Variants in LEKR1 observed in about 807,000 individuals in gnomAD.
The protein encoded by LEKR1 is leucine, glutamate and lysine rich 1.
In LEKR1, 59 loss-of-function variants were observed where a neutral mutation model predicts 72.4. The observed-to-expected ratio is 0.82, with a 90% CI of 0.66 to 1.01. The LOEUF (loss-of-function observed/expected upper bound fraction) is 1.01, where lower values mean the gene tolerates loss of function less well. Ranked by LOEUF, LEKR1 falls within the 50% of genes least tolerant of loss-of-function variation. LEKR1 has a pLI of 0.00. For synonymous variants in LEKR1, 257 were observed against 263.2 expected (o/e 0.98, Z 0.23); for missense variants, 728 against 759.2 (o/e 0.96, Z 0.48).
chr3:157,017,158 C>T (rs1301784634), intron 10 of LEKR1, among the ~76,000 whole-genome samples: 1 of 152,138 alleles, frequency 6.6e-6, no homozygotes, highest in African/African-American at 2.4e-5. Context: ...CCATTCAACC[C>T]TGTCATTGTA....
At chr3:156,834,713 A>G (rs1712881221) in intron 2 of LEKR1, among the ~76,000 whole-genome samples, 1 of 152,204 alleles carries the variant, frequency 6.6e-6, no homozygotes, top group Admixed American at 6.5e-5. Flanking sequence ...GATCTTACCT[A>G]AAATCTAATG....
intron 9 of LEKR1, among the ~76,000 whole-genome samples, chr3:157,008,133 G>T (rs1045604088): frequency 5.9e-5 from 9 of 152,090 alleles, no homozygotes; most frequent in Admixed American, 1.3e-4. Context: ...AAGCCTGCTG[G>T]GTCTGCCTCA....
At chr3:156,936,540 G>GT (rs1725732949) in intron 5 of LEKR1, among the ~76,000 whole-genome samples, 1 of 151,712 alleles carries the variant, frequency 6.6e-6, no homozygotes, top group Non-Finnish European at 1.5e-5. Context: ...TAAAGTCTAT[G>GT]TTTTTTCTAT....
intron 6 of LEKR1, among the ~76,000 whole-genome samples, chr3:156,950,597 T>C (rs1338963064): frequency 6.6e-6 from 1 of 151,106 alleles, no homozygotes; most frequent in African/African-American, 2.4e-5. Context: ...AGGAATTTTG[T>C]GTGTGTGTGT....
intron 3 of LEKR1, among the ~76,000 whole-genome samples, chr3:156,880,585 G>A (rs1455931506): frequency 6.6e-6 from 1 of 152,158 alleles, no homozygotes; most frequent in African/African-American, 2.4e-5. Flanking sequence ...GGAGGAAGTG[G>A]TACCATTCCT....
chr3:156,897,674 C>G (rs1432712826), intron 3 of LEKR1, among the ~76,000 whole-genome samples: 1 of 152,128 alleles, frequency 6.6e-6, no homozygotes, highest in Non-Finnish European at 1.5e-5. Context: ...AAACCGGGGC[C>G]TGGTGTGGTG....
At position 156,972,000 on chromosome 3, in the gene LEKR1, G is replaced by C. The variant is rs1444789927; in HGVS notation, c.746-7194G>C. Reference sequence around the variant, plus strand: ...GCAATGCCATTACTGGGTACATACTGAAAGGATTATAAATCATGCTGCTAT... The same window carrying C: ...GCAATGCCATTACTGGGTACATACTCAAAGGATTATAAATCATGCTGCTAT... On this transcript the variant is annotated intron_variant, in intron 6 of 12. Transcript: ENST00000356539. Among the ~76,000 whole-genome samples, 3 of 152,160 alleles carry C rather than the reference G, an allele frequency of 2.0e-5. No homozygotes were observed. In the South Asian group the frequency reaches 6.2e-4, roughly 32 times the overall value.
intron 1 of LEKR1, chr3:156,826,617 G>C (rs1711626906): frequency 6.4e-6 from 1 of 155,600 alleles, no homozygotes; most frequent in Admixed American, 6.5e-5. Flanking sequence ...GGAACGCGCG[G>C]CTCTGCTTCC....
chr3:156,877,813 C>T (rs9820893), intron 3 of LEKR1, among the ~76,000 whole-genome samples: 5,853 of 152,150 alleles, frequency 0.038, 400 homozygotes, highest in African/African-American at 0.13. Context: ...GACAACGTCT[C>T]GCTCTGTTGC....
chr3:156,899,481 C>T (rs35796096), intron 3 of LEKR1, among the ~76,000 whole-genome samples: 721 of 18,814 alleles, frequency 0.038, 55 homozygotes, highest in East Asian at 0.072. Flanking sequence ...TATATACATA[C>T]ATACATATAT....
chr3:156,875,888 G>A (rs1346002487), intron 3 of LEKR1, among the ~76,000 whole-genome samples: 2 of 151,232 alleles, frequency 1.3e-5, no homozygotes, highest in South Asian at 2.1e-4. Context: ...CCAGCTACTC[G>A]GGAGGCTGAG....
chr3:156,946,853 C>T (rs1031297584), intron 6 of LEKR1, among the ~76,000 whole-genome samples: 8 of 151,100 alleles, frequency 5.3e-5, no homozygotes, highest in Non-Finnish European at 1.0e-4. Flanking sequence ...GGAATTTATT[C>T]ATTTCTTCTA....
chr3:156,968,768 A>G (rs142627056), intron 6 of LEKR1, among the ~76,000 whole-genome samples: 92,923 of 151,962 alleles, frequency 0.61, 29,559 homozygotes, highest in Admixed American at 0.73. Context: ...TTCACCAAGC[A>G]GACCTAATAG....
chr3:156,925,127 A>T (rs991111589), intron 4 of LEKR1: 1 of 151,936 alleles, frequency 6.6e-6, no homozygotes, highest in Non-Finnish European at 1.5e-5. Context: ...GTTTTCTTGA[A>T]CTTCTTTTAT....
At chr3:156,861,659 C>T (rs371184366) in intron 3 of LEKR1, among the ~76,000 whole-genome samples, 145 of 152,016 alleles carry the variant, frequency 9.5e-4, no homozygotes, top group African/African-American at 3.4e-3. Context: ...CATTTTCAGG[C>T]CATTGAAAAA....
At chr3:156,886,042 T>G (rs776832797) in intron 3 of LEKR1, among the ~76,000 whole-genome samples, 3 of 152,192 alleles carry the variant, frequency 2.0e-5, no homozygotes, top group Non-Finnish European at 4.4e-5. Flanking sequence ...GTGTTTTGTG[T>G]TCAGATACCA....
intron 3 of LEKR1, among the ~76,000 whole-genome samples, chr3:156,877,790 T>A (rs115807228): frequency 1.3e-5 from 2 of 152,128 alleles, no homozygotes; most frequent in African/African-American, 4.8e-5. Context: ...ATTTATTTAT[T>A]TATTTATTTT....
intron 9 of LEKR1, among the ~76,000 whole-genome samples, chr3:157,008,057 T>A (rs1164865845): frequency 6.6e-6 from 1 of 152,228 alleles, no homozygotes; most frequent in Non-Finnish European, 1.5e-5. Flanking sequence ...ACTTTTGCTC[T>A]CCTCATTCTT....
intron 6 of LEKR1, among the ~76,000 whole-genome samples, chr3:156,956,522 A>G (rs1241372829): frequency 6.6e-6 from 1 of 152,024 alleles, no homozygotes; most frequent in Non-Finnish European, 1.5e-5. Flanking sequence ...ATGGGGAAAA[A>G]GCAAAATTAT....
Sources: gnomAD v4.1 joint callset for allele counts (sites outside exome capture counted in the v4.1 genomes callset) on GRCh38, gnomAD v4.1.1 for gene constraint, MANE v1.5 for transcripts, NCBI Gene and HGNC (gene_info 2026-07-23, HGNC 2026-07-21) for gene names.